Variants in ADGRL3 observed in about 807,000 individuals in gnomAD.
The protein encoded by ADGRL3 is adhesion G protein-coupled receptor L3.
ADGRL3 carries 62 observed loss-of-function variants against 153.5 expected under a neutral mutation model. The ratio of observed to expected loss-of-function variants is 0.40; its 90% confidence interval spans 0.33 to 0.50. The LOEUF (loss-of-function observed/expected upper bound fraction) is 0.50, where lower values mean the gene tolerates loss of function less well. Among genes scored for constraint, ADGRL3 ranks in the 20% least tolerant of loss-of-function variants. The pLI is 0.47. For missense variants in ADGRL3, 1,641 were observed against 1,859.4 expected, an observed-to-expected ratio of 0.88 and a Z score of 2.16; for synonymous variants, 710 against 672.5, an observed-to-expected ratio of 1.06 and a Z score of -0.86.
intron 2 of ADGRL3, among the ~76,000 whole-genome samples, chr4:61,469,654 G>A (rs2097922026): frequency 6.6e-6 from 1 of 151,968 alleles, no homozygotes; most frequent in East Asian, 1.9e-4. Context: ...GATAGATAAA[G>A]AGAATAAATA....
intron 2 of ADGRL3, among the ~76,000 whole-genome samples, chr4:61,387,746 T>G (rs1560557864): frequency 3.3e-5 from 5 of 152,102 alleles, no homozygotes; most frequent in African/African-American, 1.2e-4. Flanking sequence ...TAAACACACA[T>G]GCTGTACAAT....
intron 1 of ADGRL3, among the ~76,000 whole-genome samples, chr4:61,294,139 T>A (rs1486154014): frequency 1.3e-5 from 2 of 152,128 alleles, no homozygotes; most frequent in African/African-American, 4.8e-5. Context: ...GCTAGCTGTG[T>A]GCAGTAAGGC....
At chr4:61,762,226 C>A (rs1405396359) in intron 8 of ADGRL3, among the ~76,000 whole-genome samples, 2 of 152,060 alleles carry the variant, frequency 1.3e-5, no homozygotes, top group African/African-American at 2.4e-5. Context: ...AGAACATTGA[C>A]AAATTTCTAG....
At chr4:61,714,501 C>G (rs1028878094) in intron 6 of ADGRL3, among the ~76,000 whole-genome samples, 1 of 152,142 alleles carries the variant, frequency 6.6e-6, no homozygotes, top group Non-Finnish European at 1.5e-5. Flanking sequence ...CCTCAGCTAC[C>G]TAATTCCCAT....
intron 5 of ADGRL3, among the ~76,000 whole-genome samples, chr4:61,619,167 A>G (rs1023207024): frequency 6.6e-6 from 1 of 152,176 alleles, no homozygotes; most frequent in East Asian, 1.9e-4. Context: ...CACATTGAAA[A>G]CAGAGTATAC....
chr4:61,541,842 TAC>T (rs3075148), intron 4 of ADGRL3, among the ~76,000 whole-genome samples: 53,292 of 146,318 alleles, frequency 0.36, 9,573 homozygotes, highest in African/African-American at 0.41. Context: ...TGTGTGTGTA[TAC>T]ACACACACAC....
At chr4:61,651,149 T>G (rs1305178772) in intron 5 of ADGRL3, among the ~76,000 whole-genome samples, 1 of 152,188 alleles carries the variant, frequency 6.6e-6, no homozygotes, top group Non-Finnish European at 1.5e-5. Flanking sequence ...GGAGGCATTT[T>G]CTATATGAGA....
At chr4:61,338,070 G>C (rs1379435789) in intron 1 of ADGRL3, among the ~76,000 whole-genome samples, 1 of 151,934 alleles carries the variant, frequency 6.6e-6, no homozygotes, top group East Asian at 1.9e-4. Flanking sequence ...TTCAAGACCA[G>C]CCCGGTAAAC....
intron 8 of ADGRL3, among the ~76,000 whole-genome samples, chr4:61,748,063 A>G (rs558272707): frequency 0.082 from 12,366 of 150,676 alleles, 982 homozygotes; most frequent in African/African-American, 0.22. Context: ...ATACACCAAT[A>G]ACAGACAAAC....
At chr4:61,299,485 T>C (rs1472683249) in intron 1 of ADGRL3, among the ~76,000 whole-genome samples, 4 of 152,210 alleles carry the variant, frequency 2.6e-5, no homozygotes, top group African/African-American at 7.2e-5. Flanking sequence ...ATCAGTTTGC[T>C]GGCAATTTGC....
At chr4:62,032,386 T>C (rs1237191688) in intron 23 of ADGRL3, among the ~76,000 whole-genome samples, 2 of 151,514 alleles carry the variant, frequency 1.3e-5, no homozygotes, top group Non-Finnish European at 3.0e-5. Context: ...ATTTAAAATG[T>C]GATCTCGATA....
At chr4:61,935,348 G>C (rs890248587) in intron 14 of ADGRL3, among the ~76,000 whole-genome samples, 2 of 152,078 alleles carry the variant, frequency 1.3e-5, no homozygotes, top group African/African-American at 4.8e-5. Context: ...CTTAATACAG[G>C]ACTGTTAGGA....
At chr4:61,634,835 T>C (rs2093346523) in intron 5 of ADGRL3, among the ~76,000 whole-genome samples, 1 of 152,154 alleles carries the variant, frequency 6.6e-6, no homozygotes. Flanking sequence ...AAAATCCAAA[T>C]GTGATCCCTC....
At chr4:61,614,691 A>C (rs1049345465) in intron 5 of ADGRL3, among the ~76,000 whole-genome samples, 1 of 152,220 alleles carries the variant, frequency 6.6e-6, no homozygotes, top group Non-Finnish European at 1.5e-5. Flanking sequence ...AAGTCACTTC[A>C]TAAAATAAGT....
intron 1 of ADGRL3, among the ~76,000 whole-genome samples, chr4:61,368,960 G>T (rs537436343): frequency 2.0e-5 from 3 of 152,084 alleles, no homozygotes; most frequent in Non-Finnish European, 4.4e-5. Context: ...TTGTAAGTTG[G>T]ATTCCTAGGT....
chr4:61,611,609 C>T (rs2091356807), intron 5 of ADGRL3, among the ~76,000 whole-genome samples: 1 of 152,034 alleles, frequency 6.6e-6, no homozygotes, highest in African/African-American at 2.4e-5. Context: ...TGAAATAATA[C>T]TATGTGCATG....
chr4:61,286,207 T>C (rs2093934783), intron 1 of ADGRL3, among the ~76,000 whole-genome samples: 1 of 151,504 alleles, frequency 6.6e-6, no homozygotes, highest in African/African-American at 2.4e-5. Context: ...ATTTAAAACT[T>C]GATTTATCTT....
chr4:61,373,736 T>C (rs1265584598), intron 1 of ADGRL3, among the ~76,000 whole-genome samples: 1 of 152,216 alleles, frequency 6.6e-6, no homozygotes, highest in Non-Finnish European at 1.5e-5. Flanking sequence ...TGTTGCTAGC[T>C]GTATGCAACA....
chr4:61,725,979 G>A (rs1485352176), intron 6 of ADGRL3, among the ~76,000 whole-genome samples: 1 of 151,794 alleles, frequency 6.6e-6, no homozygotes, highest in Non-Finnish European at 1.5e-5. Flanking sequence ...AATTAAATAA[G>A]GTGATTCATG....
Sources: gnomAD v4.1 joint callset for allele counts (sites outside exome capture counted in the v4.1 genomes callset) on GRCh38, gnomAD v4.1.1 for gene constraint, MANE v1.5 for transcripts, NCBI Gene and HGNC (gene_info 2026-07-23, HGNC 2026-07-21) for gene names.